FRMPD4: variants seen among roughly 807,000 people sequenced by gnomAD.
The protein encoded by FRMPD4 is FERM and PDZ domain-containing protein 4.
Under a neutral mutation model 94.1 loss-of-function variants are expected in FRMPD4, and 22 were observed. The ratio of observed to expected loss-of-function variants is 0.23; its 90% confidence interval spans 0.17 to 0.33. FRMPD4 has a LOEUF of 0.33. Among genes scored for constraint, FRMPD4 ranks in the 10% least tolerant of loss-of-function variants. The pLI, the probability that FRMPD4 is intolerant of heterozygous loss-of-function variation, is 1.00. For missense variants in FRMPD4, 1,111 were observed against 1,339.9 expected (o/e 0.83, Z 2.67); for synonymous variants, 631 against 548.6 (o/e 1.15, Z -2.10).
At chrX:12,579,590 A>C (rs1209455695) in intron 2 of FRMPD4, among the ~76,000 whole-genome samples, 2 of 111,965 alleles carry the variant, frequency 1.8e-5, no homozygotes, top group Non-Finnish European at 1.9e-5. Context: ...GCAGATGTTT[A>C]GCTTTCTAGC....
At chrX:12,416,209 CTCCT>C (rs1259081026) in intron 1 of FRMPD4, among the ~76,000 whole-genome samples, 1 of 108,959 alleles carries the variant, frequency 9.2e-6, no homozygotes, top group Non-Finnish European at 1.9e-5. Context: ...TCTTCCCTTT[CTCCT>C]TCCTTCTTTT....
At chrX:12,225,774 G>A (rs1356325266) in intron 1 of FRMPD4, among the ~76,000 whole-genome samples, 1 of 112,203 alleles carries the variant, frequency 8.9e-6, no homozygotes, top group Non-Finnish European at 1.9e-5. Context: ...CTTGAAATGA[G>A]TTTTCTAGCA....
intron 1 of FRMPD4, among the ~76,000 whole-genome samples, chrX:12,476,194 A>G (rs1431210010): frequency 8.9e-6 from 1 of 112,061 alleles, no homozygotes; most frequent in Non-Finnish European, 1.9e-5. Context: ...GACAAACCTG[A>G]CAAAAACAAG....
At chrX:11,902,611 G>A (rs2053944624) in intron 3 of FRMPD4, among the ~76,000 whole-genome samples, 1 of 111,381 alleles carries the variant, frequency 9.0e-6, no homozygotes, top group South Asian at 3.8e-4. Flanking sequence ...TTGGGGGTTA[G>A]GACTTTAATA....
intron 1 of FRMPD4, among the ~76,000 whole-genome samples, chrX:12,283,024 T>C (rs781611397): frequency 2.4e-4 from 27 of 113,249 alleles, no homozygotes; most frequent in African/African-American, 8.3e-4. Context: ...GCTCAGTAGC[T>C]ATCACTGCAG....
chrX:12,100,474 T>C (rs909116928), intron 3 of FRMPD4, among the ~76,000 whole-genome samples: 1 of 110,885 alleles, frequency 9.0e-6, no homozygotes, highest in Admixed American at 9.7e-5. Flanking sequence ...TTTTGGTTTT[T>C]CTCTTTCCTC....
At chrX:11,845,715 C>T (rs1281268203) in intron 1 of FRMPD4, among the ~76,000 whole-genome samples, 1 of 110,943 alleles carries the variant, frequency 9.0e-6, no homozygotes, top group Non-Finnish European at 1.9e-5. Context: ...GGATGCAAGG[C>T]TGGTTCAACA....
At chrX:12,171,425 T>C (rs1440724994) in intron 1 of FRMPD4, among the ~76,000 whole-genome samples, 1 of 112,265 alleles carries the variant, frequency 8.9e-6, no homozygotes, top group Non-Finnish European at 1.9e-5. Context: ...CCTTTGCTTT[T>C]CTGAGATCCT....
chrX:11,946,825 G>A (rs1054348093), intron 3 of FRMPD4, among the ~76,000 whole-genome samples: 3 of 111,426 alleles, frequency 2.7e-5, no homozygotes, highest in Non-Finnish European at 5.7e-5. Flanking sequence ...AGCCATCAGT[G>A]CTTTTAGTTC....
chrX:12,103,246 A>T (rs2055269965), intron 3 of FRMPD4, among the ~76,000 whole-genome samples: 1 of 112,117 alleles, frequency 8.9e-6, no homozygotes, highest in African/African-American at 3.2e-5. Context: ...AGCACATAGA[A>T]AAGTGCCTGG....
chrX:12,479,481 CAT>C (rs1479277278), intron 1 of FRMPD4, among the ~76,000 whole-genome samples: 1 of 86,855 alleles, frequency 1.2e-5, no homozygotes, highest in African/African-American at 4.1e-5. Context: ...TATGTATATA[CAT>C]ATATATACGT....
At chrX:12,700,184 G>A (rs1402202982) in intron 9 of FRMPD4, among the ~76,000 whole-genome samples, 1 of 111,812 alleles carries the variant, frequency 8.9e-6, no homozygotes, top group Non-Finnish European at 1.9e-5. Context: ...AGGGATAACA[G>A]AAATTAAAAA....
At chrX:12,512,747 A>T (rs2058056745) in intron 2 of FRMPD4, among the ~76,000 whole-genome samples, 1 of 112,539 alleles carries the variant, frequency 8.9e-6, no homozygotes, top group Non-Finnish European at 1.9e-5. Context: ...CAGTAATGGC[A>T]TGGCTGAGTC....
rs748513056 is a variant in FRMPD4 at position 12,296,448 on chromosome X, G to T, written c.41+157436G>T. ...GGAATTGAGGAGTGAAGGTAGCTGT[G>T]TCCACGTAACACAAGTGTGATATTG... On this transcript the variant is annotated intron_variant, in intron 1 of 16. Coordinates refer to ENST00000675598, the MANE Select transcript of FRMPD4 (RefSeq NM_001368397.1). 3.6e-5 allele frequency among the ~76,000 whole-genome samples: 4 copies of T among 111,714 alleles called. No individual in the cohort carries two copies. In the East Asian group the frequency reaches 1.1e-3, roughly 32 times the overall value.
At chrX:11,913,440 A>T (rs1411215908) in intron 3 of FRMPD4, among the ~76,000 whole-genome samples, 1 of 112,280 alleles carries the variant, frequency 8.9e-6, no homozygotes, top group Admixed American at 9.4e-5. Flanking sequence ...AGCCATGGTC[A>T]TTATGATGGA....
At chrX:11,930,232 T>C (rs758476317) in intron 3 of FRMPD4, among the ~76,000 whole-genome samples, 6 of 109,594 alleles carry the variant, frequency 5.5e-5, no homozygotes, top group African/African-American at 2.0e-4. Flanking sequence ...ACAGCCTGCA[T>C]TGGGCTAGGG....
chrX:12,125,907 TTCC>T (rs2055496086), intron 3 of FRMPD4, among the ~76,000 whole-genome samples: 1 of 111,840 alleles, frequency 8.9e-6, no homozygotes, highest in Admixed American at 9.5e-5. Context: ...CTGTTCTGTA[TTCC>T]TCATGCTCCT....
chrX:11,863,233 C>T (rs2053698901), intron 1 of FRMPD4, among the ~76,000 whole-genome samples: 1 of 107,831 alleles, frequency 9.3e-6, no homozygotes, highest in Admixed American at 1.0e-4. Flanking sequence ...CATGTGTTCT[C>T]ATTGTTCAGT....
At chrX:12,699,300 C>T (rs994881968) in intron 9 of FRMPD4, among the ~76,000 whole-genome samples, 1 of 112,215 alleles carries the variant, frequency 8.9e-6, no homozygotes, top group Admixed American at 9.4e-5. Context: ...ATCAGACCAC[C>T]CTATCTCCTG....
Sources: allele counts gnomAD v4.1 joint callset (sites outside exome capture counted in the v4.1 genomes callset), GRCh38; gene constraint gnomAD v4.1.1; transcripts MANE v1.5; gene names NCBI Gene and HGNC (gene_info 2026-07-23, HGNC 2026-07-21).